VPS13A: variants seen among roughly 807,000 people sequenced by gnomAD.
VPS13A encodes intermembrane lipid transfer protein VPS13A.
In VPS13A, 264 loss-of-function variants were observed where a neutral mutation model predicts 390.9. That is an observed-to-expected ratio of 0.68 (90% CI 0.61 to 0.75). VPS13A has a LOEUF of 0.75. Among genes scored for constraint, VPS13A ranks in the 30% least tolerant of loss-of-function variants. The pLI, the probability that VPS13A is intolerant of heterozygous loss-of-function variation, is 0.00. For synonymous variants in VPS13A, 1,231 were observed against 1,227.1 expected, an observed-to-expected ratio of 1.00 and a Z score of -0.07; for missense variants, 3,409 against 3,733.9, an observed-to-expected ratio of 0.91 and a Z score of 2.27.
chr9:77,380,049 T>C (rs1157801177), intron 67 of VPS13A, among the ~76,000 whole-genome samples: 1 of 152,154 alleles, frequency 6.6e-6, no homozygotes, highest in Non-Finnish European at 1.5e-5. Context: ...CTTATATGTT[T>C]ATAATTTTTT....
chr9:77,178,338 A>T (rs1024523005), intron 1 of VPS13A, among the ~76,000 whole-genome samples: 3 of 151,998 alleles, frequency 2.0e-5, no homozygotes, highest in Admixed American at 2.0e-4. Flanking sequence ...TCCTGGCTTC[A>T]CCCGTGGTGC....
Position 77,302,908 on chromosome 9 carries a change from C to T in VPS13A, c.3813-7C>T. The T allele has an allele frequency of 6.2e-7, 1 of 1,610,562 alleles. No homozygotes were observed. The highest frequency in any genetic ancestry group is 8.5e-7 in the Non-Finnish European group (1 of 1,176,990). The stretch of plus-strand genomic sequence containing the variant: ...ACAATTTAAAAGAATGTTATCTCTA[C>T]TTATAGATCTCGATTTATTAATGAT... On this transcript the variant is annotated splice_region_variant and splice_polypyrimidine_tract_variant and intron_variant, in intron 33 of 71. Coordinates refer to ENST00000360280, the MANE Select transcript of VPS13A (RefSeq NM_033305.3).
rs1173579155 is a variant in VPS13A at position 77,365,496 on chromosome 9, G to C, written c.8248G>C (p.Glu2750Gln). ...TCATAAAGATATAGAAGCTTTCAAA[G>C]AAGAATATAAAACAGCCTCATTAGT... ...LFHKDIEAFK[E>Q]EYKTASLVDQ... Residue 2750 changes from glutamate to glutamine, a missense_variant, in exon 60 of 72, where the codon GAA becomes CAA. Physicochemically the swap from Glu to Gln is conservative, Grantham distance 29. Coordinates refer to ENST00000360280, the MANE Select transcript of VPS13A (RefSeq NM_033305.3). 1.2e-6 allele frequency: 2 copies of C among 1,611,862 alleles called. No individual in the cohort carries two copies. Among genetic ancestry groups the C allele is most frequent in the South Asian group, 2.2e-5 (2 of 90,998 alleles).
rs1178946787 is a variant in VPS13A, at chr9:77,314,584, T to A, written c.4332T>A (p.Asp1444Glu). The change falls in exon 37 of 72, where the codon GAT (aspartate) becomes GAA (glutamate). Residue 1444 changes from aspartate to glutamate, a missense_variant. Around this residue, in one of 5 missense-constraint regions of VPS13A, gnomAD observed 2,717 missense variants for 2,917.4 expected, o/e 0.93. Transcript: ENST00000360280. The part of the protein sequence containing the change: ...NIISTLKMYT[D>E]GSTFSSFSLK... ...TAAGTACTTTAAAAATGTATACAGA[T>A]GGCTCAACATTTTCTTCCTTCTCAT... 1 of 1,611,354 alleles carries A rather than the reference T, an allele frequency of 6.2e-7. No homozygotes were observed. The highest frequency in any genetic ancestry group is 8.5e-7 in the Non-Finnish European group (1 of 1,178,412).
At chr9:77,308,640 G>A (rs1381062053) in intron 35 of VPS13A, among the ~76,000 whole-genome samples, 1 of 152,198 alleles carries the variant, frequency 6.6e-6, no homozygotes, top group Non-Finnish European at 1.5e-5. Flanking sequence ...TTCATCTAAT[G>A]TTGGATCCAG....
At chr9:77,276,822 T>TAG (rs1826703673) in intron 26 of VPS13A, among the ~76,000 whole-genome samples, 2 of 152,238 alleles carry the variant, frequency 1.3e-5, no homozygotes, top group South Asian at 4.1e-4. Flanking sequence ...GCCATATCTC[T>TAG]AACCTCCTCT....
intron 13 of VPS13A, among the ~76,000 whole-genome samples, chr9:77,225,031 G>A (rs1013837623): frequency 6.6e-6 from 1 of 152,182 alleles, no homozygotes; most frequent in South Asian, 2.1e-4. Context: ...TAGCAATGAA[G>A]TATTTTAAAA....
intron 57 of VPS13A, among the ~76,000 whole-genome samples, chr9:77,359,080 C>G (rs1484957101): frequency 1.3e-5 from 2 of 152,100 alleles, no homozygotes; most frequent in African/African-American, 4.8e-5. Flanking sequence ...CAAAGTTTCC[C>G]TGATGATTCT....
intron 24 of VPS13A, 110 bp downstream of exon 24, chr9:77,273,474 T>C: frequency 1.1e-6 from 1 of 917,636 alleles, no homozygotes; most frequent in East Asian, 2.7e-5. Flanking sequence ...ATCTTTTCCT[T>C]TTAAAATCTA....
chr9:77,322,269 T>C (rs972135128), intron 44 of VPS13A, among the ~76,000 whole-genome samples: 16 of 151,866 alleles, frequency 1.1e-4, no homozygotes, highest in Non-Finnish European at 2.4e-4. Context: ...CAAAAGTTTT[T>C]CATTTTTATT....
intron 61 of VPS13A, among the ~76,000 whole-genome samples, chr9:77,367,286 G>A (rs745940903): frequency 6.6e-6 from 1 of 152,152 alleles, no homozygotes; most frequent in Non-Finnish European, 1.5e-5. Flanking sequence ...AACTTTAAGT[G>A]TTGTAATCAG....
chr9:77,252,234 G>C lies in VPS13A; in HGVS notation c.2171-1G>C. 1 of 1,604,940 alleles carries C rather than the reference G, an allele frequency of 6.2e-7. No homozygotes were observed. Among genetic ancestry groups the C allele is most frequent in the East Asian group, 2.2e-5 (1 of 44,808 alleles). On this transcript the variant is annotated splice_acceptor_variant, in intron 21 of 71. Coordinates refer to ENST00000360280, the MANE Select transcript of VPS13A (RefSeq NM_033305.3). LOFTEE classifies it high-confidence loss of function. ...AAATATGAACTATTTTCTGTACTTA[G>C]GTGATAATTGGAGAGAAGCACGAAA... is the stretch of plus-strand genomic sequence containing the variant.
intron 22 of VPS13A, among the ~76,000 whole-genome samples, chr9:77,258,299 C>T (rs1008393269): frequency 3.9e-5 from 6 of 152,198 alleles, no homozygotes; most frequent in Non-Finnish European, 8.8e-5. Context: ...GAGAAGGCTT[C>T]ATGCCTAGTT....
intron 45 of VPS13A, among the ~76,000 whole-genome samples, chr9:77,331,653 C>T (rs1830281376): frequency 6.6e-6 from 1 of 151,810 alleles, no homozygotes; most frequent in Non-Finnish European, 1.5e-5. Context: ...TCACTTTTAT[C>T]ATATAAATAT....
At chr9:77,315,131 A>G (rs1829312154) in intron 37 of VPS13A, 122 bp from the exon 38 acceptor site, 4 of 844,904 alleles carry the variant, frequency 4.7e-6, no homozygotes, top group Non-Finnish European at 7.6e-6. Flanking sequence ...TTCCCAAGAG[A>G]CATGACTTCA....
At chr9:77,407,215 G>GACGAAAAACAGTGGC (rs1834660662) in intron 70 of VPS13A, among the ~76,000 whole-genome samples, 3 of 152,190 alleles carry the variant, frequency 2.0e-5, no homozygotes, top group Non-Finnish European at 4.4e-5. Context: ...ATTATTTGGA[G>GACGAAAAACAGTGGC]ACGAAAAACA....
chr9:77,341,691 C>CTTTT (rs57841628), intron 50 of VPS13A, among the ~76,000 whole-genome samples: 12 of 37,838 alleles, frequency 3.2e-4, no homozygotes, highest in South Asian at 1.3e-3. Flanking sequence ...GACATCTTTC[C>CTTTT]TTTTTTTTTT....
intron 67 of VPS13A, among the ~76,000 whole-genome samples, chr9:77,379,540 A>G (rs1012290839): frequency 7.3e-5 from 11 of 149,930 alleles, no homozygotes; most frequent in African/African-American, 2.7e-4. Context: ...ACGCCCGGCC[A>G]TTTTTGTATT....
intron 71 of VPS13A, among the ~76,000 whole-genome samples, chr9:77,411,517 G>C (rs1291503224): frequency 1.3e-5 from 2 of 151,886 alleles, no homozygotes; most frequent in Non-Finnish European, 2.9e-5. Context: ...CAAAAAATTA[G>C]CCGGGCGAGG....
Sources: allele counts gnomAD v4.1 joint callset (sites outside exome capture counted in the v4.1 genomes callset), GRCh38; gene constraint gnomAD v4.1.1; regional missense constraint gnomAD v4.1.1; transcripts MANE v1.5; gene names NCBI Gene and HGNC (gene_info 2026-07-23, HGNC 2026-07-21).